The following NAV3 variants were observed in gnomAD, a reference collection of about 807,000 sequenced individuals.
The protein encoded by NAV3 is neuron navigator 3, also known as pore membrane and/or filament interacting like protein 1.
In NAV3, 87 loss-of-function variants were observed where a neutral mutation model predicts 244.7. The ratio of observed to expected loss-of-function variants is 0.36; its 90% CI spans 0.30 to 0.42. The LOEUF is 0.42. Among genes scored for constraint, NAV3 ranks in the 20% least tolerant of loss-of-function variants. NAV3 has a pLI of 1.00. For synonymous variants in NAV3, 1,126 were observed against 1,042.2 expected (o/e 1.08, Z -1.55); for missense variants, 2,663 against 2,893.3 (o/e 0.92, Z 1.83).
chr12:78,144,345 A>T (rs2139145193), intron 20 of NAV3, among the ~76,000 whole-genome samples: 1 of 152,238 alleles, frequency 6.6e-6, no homozygotes, highest in African/African-American at 2.4e-5. Context: ...CAAGTGTTTC[A>T]TATTTTTTAT....
chr12:77,662,229 C>CTATCTATCTATCTATCTA (rs1873489079), intron 2 of NAV3, among the ~76,000 whole-genome samples: 1 of 149,276 alleles, frequency 6.7e-6, no homozygotes, highest in Non-Finnish European at 1.5e-5. Context: ...ATCTATCTGT[C>CTATCTATCTATCTATCTA]TATCTATCTA....
chr12:77,691,329 G>GTATA (rs1350161105), intron 2 of NAV3, among the ~76,000 whole-genome samples: 697 of 66,676 alleles, frequency 0.01, 73 homozygotes, highest in South Asian at 0.048. Context: ...AAGTATTTGT[G>GTATA]TATGTGTGTA....
At chr12:77,952,627 GT>G (rs1467618764) in intron 3 of NAV3, among the ~76,000 whole-genome samples, 1 of 152,038 alleles carries the variant, frequency 6.6e-6, no homozygotes, top group Non-Finnish European at 1.5e-5. Flanking sequence ...AAATTAGTTT[GT>G]TGATATCCAC....
At chr12:78,082,237 TA>T (rs1015046635) in intron 12 of NAV3, among the ~76,000 whole-genome samples, 1 of 152,222 alleles carries the variant, frequency 6.6e-6, no homozygotes, top group Non-Finnish European at 1.5e-5. Context: ...TTCTTTCCTT[TA>T]TAAATTACCC....
chr12:77,842,450 G>A (rs1875832215), intron 1 of NAV3, among the ~76,000 whole-genome samples: 2 of 151,678 alleles, frequency 1.3e-5, no homozygotes, highest in African/African-American at 4.8e-5. Flanking sequence ...GAAACTCTCT[G>A]TCAGAGCTGG....
At chr12:77,793,479 C>A (rs777802070) in intron 2 of NAV3, among the ~76,000 whole-genome samples, 1 of 152,102 alleles carries the variant, frequency 6.6e-6, no homozygotes, top group Non-Finnish European at 1.5e-5. Context: ...ACTTGCCCCC[C>A]ACACCCTGAC....
At chr12:77,936,883 C>G (rs780785331) in intron 1 of NAV3, among the ~76,000 whole-genome samples, 4 of 152,110 alleles carry the variant, frequency 2.6e-5, no homozygotes, top group Non-Finnish European at 4.4e-5. Flanking sequence ...TCCTTAAAGA[C>G]ACAACTCATT....
intron 1 of NAV3, among the ~76,000 whole-genome samples, chr12:77,868,460 C>A (rs1346809778): frequency 6.6e-6 from 1 of 151,924 alleles, no homozygotes; most frequent in Non-Finnish European, 1.5e-5. Context: ...ACTGTCATTG[C>A]AGACCAGTGC....
intron 2 of NAV3, among the ~76,000 whole-genome samples, chr12:77,677,464 A>G (rs1177838173): frequency 1.3e-5 from 2 of 152,220 alleles, no homozygotes; most frequent in Non-Finnish European, 2.9e-5. Flanking sequence ...TAATTTTTAA[A>G]CAAGGGTCCC....
chr12:77,694,677 T>C (rs188787009), intron 2 of NAV3, among the ~76,000 whole-genome samples: 34 of 152,228 alleles, frequency 2.2e-4, no homozygotes, highest in African/African-American at 6.7e-4. Context: ...GTCAAAAAAG[T>C]ATTCTGACAT....
chr12:77,697,733 A>G lies in NAV3; in HGVS notation c.72+125467A>G, dbSNP rs79745119. ...AAATGAAATTTTATTCCTGACCTCAATGTGCTTATAGCTAGAATGGAAGGA... is the reference window on the plus strand; with the variant it reads ...AAATGAAATTTTATTCCTGACCTCAGTGTGCTTATAGCTAGAATGGAAGGA... On this transcript the variant is annotated intron_variant, in intron 2 of 8. Transcript: ENST00000550042. Among the ~76,000 whole-genome samples the G allele has an allele frequency of 4.8e-3, 734 of 152,240 alleles. 6 individuals are homozygous for G. Among genetic ancestry groups the G allele is most frequent in the African/African-American group, 0.017 (710 of 41,570 alleles).
At chr12:77,942,840 G>C (rs192373920) in intron 3 of NAV3, among the ~76,000 whole-genome samples, 32 of 152,282 alleles carry the variant, frequency 2.1e-4, no homozygotes, top group East Asian at 1.9e-3. Context: ...ATTAACACCT[G>C]TTAAAAGATT....
chr12:77,887,951 A>G (rs1193366153), intron 1 of NAV3, among the ~76,000 whole-genome samples: 1 of 152,070 alleles, frequency 6.6e-6, no homozygotes, highest in South Asian at 2.1e-4. Flanking sequence ...GAGGGAAAAA[A>G]GAGATAATGG....
At chr12:77,989,884 A>C (rs1408089274) in intron 5 of NAV3, among the ~76,000 whole-genome samples, 1 of 152,156 alleles carries the variant, frequency 6.6e-6, no homozygotes, top group Non-Finnish European at 1.5e-5. Context: ...AACATACTAA[A>C]TTCCATTTAA....
chr12:77,928,150 G>A (rs1888399351), intron 1 of NAV3, among the ~76,000 whole-genome samples: 1 of 150,364 alleles, frequency 6.7e-6, no homozygotes, highest in Non-Finnish European at 1.5e-5. Flanking sequence ...TTGAATCAGG[G>A]AGGTAGAGGT....
At chr12:77,830,542 G>A (rs1273268967), upstream of NAV3, among the ~76,000 whole-genome samples, 2 of 152,074 alleles carry the variant, frequency 1.3e-5, no homozygotes, top group Admixed American at 1.3e-4. Flanking sequence ...ATTAAATTTG[G>A]GAACAATGAT....
At chr12:77,902,154 G>A (rs1885374007) in intron 1 of NAV3, among the ~76,000 whole-genome samples, 1 of 152,150 alleles carries the variant, frequency 6.6e-6, no homozygotes, top group Non-Finnish European at 1.5e-5. Flanking sequence ...TTTATTGGTA[G>A]TGGAACATCT....
chr12:78,172,701 G>A (rs781144998), intron 24 of NAV3, among the ~76,000 whole-genome samples: 1 of 151,258 alleles, frequency 6.6e-6, no homozygotes, highest in Non-Finnish European at 1.5e-5. Flanking sequence ...GCTTTGAGGC[G>A]GAAAATAAAT....
chr12:77,732,365 A>G (rs1308763355), intron 2 of NAV3, among the ~76,000 whole-genome samples: 1 of 151,992 alleles, frequency 6.6e-6, no homozygotes, highest in Non-Finnish European at 1.5e-5. Flanking sequence ...ATTCCTATAC[A>G]GAGGGAGATT....
Sources: gnomAD v4.1 joint callset for allele counts (sites outside exome capture counted in the v4.1 genomes callset) on GRCh38, gnomAD v4.1.1 for gene constraint, MANE v1.5 for transcripts, NCBI Gene and HGNC (gene_info 2026-07-23, HGNC 2026-07-21) for gene names.